Variants in QRICH1 observed in about 807,000 individuals in gnomAD.
QRICH1 encodes transcriptional regulator QRICH1.
QRICH1 carries 16 observed loss-of-function variants against 87.1 expected under a neutral mutation model. The observed-to-expected ratio is 0.18, with a 90% CI of 0.12 to 0.28. The LOEUF is 0.28. QRICH1 is among the 10% of genes least tolerant of loss of function. The probability of loss-of-function intolerance (pLI) is 1.00; values close to 1 mark genes in which losing one functional copy is unlikely to be tolerated. For missense variants in QRICH1, 647 were observed against 951.7 expected (o/e 0.68, Z 4.21); for synonymous variants, 367 against 368.4 (o/e 1.00, Z 0.05).
intron 2 of QRICH1, among the ~76,000 whole-genome samples, chr3:49,069,107 ATTTTT>A (rs57230454): frequency 1.6e-5 from 2 of 124,024 alleles, no homozygotes; most frequent in East Asian, 2.2e-4. Flanking sequence ...TATTATTATT[ATTTTT>A]TTTTTTTTTT....
chr3:49,055,546 A>G (rs2093396300), intron 3 of QRICH1, among the ~76,000 whole-genome samples: 1 of 152,188 alleles, frequency 6.6e-6, no homozygotes, highest in Admixed American at 6.5e-5. Flanking sequence ...AAATTTTTGT[A>G]GAGATAGGGT....
intron 1 of QRICH1, 63 bp downstream of exon 1, chr3:49,093,849 G>C (rs1419925019): frequency 2.7e-6 from 1 of 371,990 alleles, no homozygotes; most frequent in Non-Finnish European, 4.8e-6. Context: ...CCGTTGTGTG[G>C]GGTGGGCCCC....
intron 3 of QRICH1, among the ~76,000 whole-genome samples, chr3:49,051,138 T>C (rs2093367946): frequency 6.6e-6 from 1 of 152,142 alleles, no homozygotes; most frequent in Non-Finnish European, 1.5e-5. Context: ...CACTATTCTG[T>C]CTACCCCAGA....
At chr3:49,060,551 A>T (rs770059504) in intron 2 of QRICH1, among the ~76,000 whole-genome samples, 2 of 150,950 alleles carry the variant, frequency 1.3e-5, no homozygotes, top group Non-Finnish European at 2.9e-5. Context: ...GCTGGTCCAA[A>T]ACTCCTGACC....
intron 6 of QRICH1, among the ~76,000 whole-genome samples, chr3:49,038,499 G>A (rs1184173626): frequency 6.7e-6 from 1 of 149,036 alleles, no homozygotes; most frequent in African/African-American, 2.5e-5. Context: ...TGCAAACCCC[G>A]CCTCTCCTGG....
intron 6 of QRICH1, among the ~76,000 whole-genome samples, chr3:49,040,374 G>A (rs1164844650): frequency 1.3e-5 from 2 of 152,222 alleles, no homozygotes; most frequent in Non-Finnish European, 2.9e-5. Flanking sequence ...TAGGGAGGCA[G>A]AGGTGGGAGG....
Position 49,047,204 on chromosome 3 carries a change from GCTGTGA to G in QRICH1, c.1375_1380del (p.Ser459_Gln460del). 2 of 1,614,118 alleles carry G rather than the reference GCTGTGA, an allele frequency of 1.2e-6. No homozygotes were observed. The highest frequency in any genetic ancestry group is 1.7e-6 in the Non-Finnish European group (2 of 1,180,006). ...AGCAGAAGTTCTGGGGAAGGCTGTG[GCTGTGA>G]CTGTGGTTCAACTTCAGCAACCTGG... is the stretch of plus-strand genomic sequence containing the variant. On this transcript the variant is annotated inframe_deletion, in exon 4 of 10. Coordinates refer to ENST00000395443, the MANE Select transcript of QRICH1 (RefSeq NM_198880.3).
At chr3:49,047,327 T>C in intron 3 of QRICH1, 81 bp from the exon 4 acceptor site, 1 of 1,289,768 alleles carries the variant, frequency 7.8e-7, no homozygotes, top group South Asian at 1.5e-5. Flanking sequence ...AAATGTTATG[T>C]ATAGTTCATT....
chr3:49,079,354 G>C (rs1044324247), intron 1 of QRICH1, among the ~76,000 whole-genome samples: 2 of 151,336 alleles, frequency 1.3e-5, no homozygotes, highest in African/African-American at 4.9e-5. Context: ...CCAGGTCTTT[G>C]GGCTGGGAAA....
rs745379534 is a variant in QRICH1, at chr3:49,056,896, T to TGTG, written c.1301_1303dup (p.Pro434dup). On this transcript the variant is annotated inframe_insertion, in exon 3 of 10. Coordinates refer to ENST00000395443, the MANE Select transcript of QRICH1 (RefSeq NM_198880.3). ...AACTTGGAGTTGCTGCTGCTGCTGC[T>TGTG]GTGGTGGTGGTGTCTGTTCCTGGGG... The TGTG allele has an allele frequency of 6.2e-7, 1 of 1,613,970 alleles. No homozygotes were observed. The highest frequency in any genetic ancestry group is 8.5e-7 in the Non-Finnish European group (1 of 1,179,858).
At position 49,031,172 on chromosome 3, in the gene QRICH1, G is replaced by A. The variant is rs912288567; in HGVS notation, c.2139-528C>T. 3.9e-5 allele frequency among the ~76,000 whole-genome samples: 6 copies of A among 151,994 alleles called. No homozygotes were observed. In the East Asian group the frequency reaches 9.6e-4, roughly 24 times the overall value. ...CAGCTAATTTTTGTATTTTTTAGTA[G>A]AGATGGGGTTTTTCCATGTTGGCCA... On this transcript the variant is annotated intron_variant, in intron 9 of 9. Coordinates refer to ENST00000395443, the MANE Select transcript of QRICH1 (RefSeq NM_198880.3).
At chr3:49,054,318 G>A (rs1051737758) in intron 3 of QRICH1, among the ~76,000 whole-genome samples, 1 of 152,180 alleles carries the variant, frequency 6.6e-6, no homozygotes, top group Non-Finnish European at 1.5e-5. Context: ...GCTGAGCATA[G>A]AGACCTGTTA....
intron 6 of QRICH1, among the ~76,000 whole-genome samples, chr3:49,040,049 A>G (rs2106838665): frequency 6.6e-6 from 1 of 152,362 alleles, no homozygotes; most frequent in African/African-American, 2.4e-5. Context: ...CGATAGAGTG[A>G]GACTCCGTCT....
intron 6 of QRICH1, among the ~76,000 whole-genome samples, chr3:49,038,174 C>T (rs997560111): frequency 2.0e-5 from 3 of 151,660 alleles, no homozygotes; most frequent in African/African-American, 7.3e-5. Context: ...CATTCTCCTG[C>T]CTCAGCCTCC....
At position 49,056,894 on chromosome 3, in the gene QRICH1, G is replaced by C. The variant is rs1575347805; in HGVS notation, c.1306C>G (p.Gln436Glu). Reference sequence around the variant, plus strand: ...GTAACTTGGAGTTGCTGCTGCTGCTGCTGTGGTGGTGGTGTCTGTTCCTGG... The same window carrying C: ...GTAACTTGGAGTTGCTGCTGCTGCTCCTGTGGTGGTGGTGTCTGTTCCTGG... ...TPQEQTPPPQ[Q>E]QQQQLQVTCS... Residue 436 changes from glutamine to glutamate, a missense_variant, in exon 3 of 10, where the codon CAG becomes GAG. Coordinates refer to ENST00000395443, the MANE Select transcript of QRICH1 (RefSeq NM_198880.3). 6.2e-7 allele frequency: 1 copy of C among 1,614,168 alleles called. No individual in the cohort carries two copies. Among genetic ancestry groups the C allele is most frequent in the Non-Finnish European group, 8.5e-7 (1 of 1,180,012 alleles).
chr3:49,068,661 C>A (rs575933238), intron 2 of QRICH1, among the ~76,000 whole-genome samples: 1 of 150,950 alleles, frequency 6.6e-6, no homozygotes, highest in East Asian at 2.0e-4. Flanking sequence ...GGGGTCTGTG[C>A]TCTATTGCCC....
intron 3 of QRICH1, among the ~76,000 whole-genome samples, chr3:49,055,506 T>A (rs2093395947): frequency 1.3e-5 from 2 of 152,128 alleles, no homozygotes; most frequent in Non-Finnish European, 2.9e-5. Context: ...GGACCACAGG[T>A]ATGTGCCATC....
At chr3:49,081,226 G>C (rs933422624) in intron 1 of QRICH1, among the ~76,000 whole-genome samples, 1 of 151,898 alleles carries the variant, frequency 6.6e-6, no homozygotes, top group Non-Finnish European at 1.5e-5. Context: ...AGACCAGCCT[G>C]GCCAACATGG....
chr3:49,080,974 A>G (rs1416174469), intron 1 of QRICH1, among the ~76,000 whole-genome samples: 1 of 147,808 alleles, frequency 6.8e-6, no homozygotes, highest in Non-Finnish European at 1.5e-5. Flanking sequence ...CTCAAAAAAA[A>G]AAAAAAAAAA....
Sources: gnomAD v4.1 joint callset for allele counts (sites outside exome capture counted in the v4.1 genomes callset) on GRCh38, gnomAD v4.1.1 for gene constraint, MANE v1.5 for transcripts, NCBI Gene and HGNC (gene_info 2026-07-23, HGNC 2026-07-21) for gene names.